Variants in TYMP observed in about 807,000 individuals in gnomAD.
TYMP encodes the protein gliostatin.
A neutral mutation model predicts 42.3 loss-of-function variants in TYMP; 46 were observed. The observed-to-expected ratio is 1.09, with a 90% CI of 0.86 to 1.39. TYMP has a LOEUF of 1.39. Among genes scored for constraint, TYMP ranks in the 40% most tolerant of loss-of-function variants. The pLI is 0.00. For synonymous variants in TYMP, 363 were observed against 308.0 expected, an observed-to-expected ratio of 1.18 and a Z score of -1.87; for missense variants, 837 against 677.6, an observed-to-expected ratio of 1.24 and a Z score of -2.61.
chr22:50,528,882 A>G (rs1032832690), intron 3 of TYMP: 3 of 613,130 alleles, frequency 4.9e-6, no homozygotes, highest in Non-Finnish European at 8.7e-6. Flanking sequence ...CTGGGGACCC[A>G]AGGGGAAAGG....
intron 4 of TYMP, 51 bp from the exon 5 acceptor site, chr22:50,527,768 C>CT (rs131803): frequency 0.01 from 12,635 of 1,218,792 alleles, 4 homozygotes; most frequent in African/African-American, 0.013. Context: ...GACTTAGCAG[C>CT]TTTTTTTTTT....
In TYMP at chr22:50,527,124, C is replaced by G; in HGVS notation, c.765+41G>C. 5 of 1,503,566 alleles carry G rather than the reference C, an allele frequency of 3.3e-6. No homozygotes were observed. The South Asian group carries it at 5.6e-5, about 17-fold the overall frequency. The allele number at this position is 1,503,566 out of a possible 1,614,324, so 93.1% of individuals were successfully genotyped here. A position where few individuals can be genotyped will look rare whatever the true frequency, so the allele number is the denominator to read the frequency against. On this transcript the variant is annotated intron_variant, in intron 6 of 9. Coordinates refer to ENST00000252029, the MANE Select transcript of TYMP (RefSeq NM_001953.5). ...GGAGGGGTGAAGGGTAGGCTGGGCC[C>G]GCATCAAGACGCTTGCCCAGGGAAA...
Position 50,528,523 on chromosome 22 carries a change from T to C in TYMP, c.505A>G (p.Ser169Gly). The change falls in exon 4 of 10, where the codon AGC (serine) becomes GGC (glycine). Residue 169 changes from serine to glycine, a missense_variant. Transcript: ENST00000252029. ...ESIPGFNVIQ[S>G]PEQMQVLLDQ... ...GTGGCGCCCCGTACCTGCTCTGGGC[T>C]CTGGATGACATTGAATCCAGGAATA... 1 of 1,613,872 alleles carries C rather than the reference T, an allele frequency of 6.2e-7. No individual in the cohort carries two copies. The highest frequency in any genetic ancestry group is 8.5e-7 in the Non-Finnish European group (1 of 1,179,920).
chr22:50,527,232 T>A lies in TYMP; in HGVS notation c.698A>T (p.Asp233Val). The part of the protein sequence containing the change: ...LVEGLSALVV[D>V]VKFGGAAVFP... ...GACGGCGGCCCCTCCGAACTTAACG[T>A]CCACCACCAGAGCGGACAGCCCCTC... The change falls in exon 6 of 10, where the codon GAC (aspartate) becomes GTC (valine). Residue 233 changes from aspartate to valine, a missense_variant. Asp to Val is a radical substitution (Grantham distance 152). Coordinates refer to ENST00000252029, the MANE Select transcript of TYMP (RefSeq NM_001953.5). 1 of 1,613,582 alleles carries A rather than the reference T, an allele frequency of 6.2e-7. No homozygotes were observed. Among genetic ancestry groups the A allele is most frequent in the Non-Finnish European group, 8.5e-7 (1 of 1,179,986 alleles).
upstream of TYMP, chr22:50,530,055 G>C: frequency 3.0e-6 from 1 of 333,166 alleles, no homozygotes; most frequent in Non-Finnish European, 5.4e-6. Context: ...CAGGCGGGTG[G>C]GGCCGCCTGG....
chr22:50,528,968 T>C (rs1160393892), intron 3 of TYMP, 168 bp downstream of exon 3: 1 of 769,948 alleles, frequency 1.3e-6, no homozygotes, highest in Non-Finnish European at 2.2e-6. Context: ...CCAAGCGCTG[T>C]GCTGGGGAAC....
At position 50,525,755 on chromosome 22, in the gene TYMP, C is replaced by G; in HGVS notation, c.*15G>C. On this transcript the variant is annotated 3_prime_UTR_variant, in exon 10 of 10. Coordinates refer to ENST00000252029, the MANE Select transcript of TYMP (RefSeq NM_001953.5). ...TCCCGCCCAAGCACTGACAAGGTTT[C>G]GCGGCAAAGGAGCTTTATTGCTGCG... is the stretch of plus-strand genomic sequence containing the variant. 6.2e-7 allele frequency: 1 copy of G among 1,609,402 alleles called. No individual in the cohort carries two copies.
In TYMP at chr22:50,525,839, T is replaced by G; in HGVS notation, c.1380A>C (p.Val460=). Residue 460 remains valine (V), a synonymous_variant, in exon 10 of 10, where the codon GTA becomes GTC. Transcript: ENST00000252029. ...CGGCGAATGGCGCGCGGTCGGAGAG[T>G]ACGAGCGCCTCCTGCAGGGCGCGGC... is the stretch of plus-strand genomic sequence containing the variant. ...PQSRALQEAL[V]LSDRAPFAAP... 4 of 1,607,714 alleles carry G rather than the reference T, an allele frequency of 2.5e-6. No homozygotes were observed. The highest frequency in any genetic ancestry group is 3.4e-6 in the Non-Finnish European group (4 of 1,177,814).
At chr22:50,527,142 C>T (rs2069418828) in intron 6 of TYMP, 23 bp downstream of exon 6, 4 of 1,593,034 alleles carry the variant, frequency 2.5e-6, no homozygotes, top group Admixed American at 1.7e-5. Context: ...GACGCTTGCC[C>T]AGGGAAAGGC....
Position 50,526,738 on chromosome 22 carries a change from C to T in TYMP, c.766G>A (p.Val256Ile). Residue 256 changes from valine (V) to isoleucine (I), a missense_variant and splice_region_variant, in exon 7 of 10, where the codon GTT becomes ATT. Transcript: ENST00000252029. Reference sequence around the variant, plus strand: ...AGCCCTAGGCTGGCTCCCACGCCAACCTGCGGAGAGGAGGCTCAGCGTGGA... The same window carrying T: ...AGCCCTAGGCTGGCTCCCACGCCAATCTGCGGAGAGGAGGCTCAGCGTGGA... The part of the protein sequence containing the change: ...EQARELAKTL[V>I]GVGASLGLRV... The T allele has an allele frequency of 1.3e-6, 2 of 1,535,752 alleles. No individual in the cohort carries two copies. Among genetic ancestry groups the T allele is most frequent in the Non-Finnish European group, 1.7e-6 (2 of 1,146,416 alleles).
In TYMP at chr22:50,525,916, T is replaced by C; in HGVS notation, c.1303A>G (p.Thr435Ala). The C allele has an allele frequency of 6.6e-7, 1 of 1,526,194 alleles. No individual in the cohort carries two copies. Among genetic ancestry groups the C allele is most frequent in the East Asian group, 2.5e-5 (1 of 39,716 alleles). 94.5% of individuals were successfully genotyped at this position (1,526,194 alleles called of 1,614,324 possible). The change falls in exon 10 of 10, where the codon ACC becomes GCC. Residue 435 changes from threonine to alanine, a missense_variant and splice_region_variant. Thr to Ala is a moderately conservative substitution (Grantham distance 58, BLOSUM62 0). Transcript: ENST00000252029. ...TCCCGGTGCACGCGGAGCCAGGGGG[T>C]CCCTGCAGAGCGAGGGGCTGTTAGA... ...VDVGQRLRRG[T>A]PWLRVHRDGP...
chr22:50,526,018 C>A lies in TYMP; in HGVS notation c.1283G>T (p.Gly428Val). Residue 428 changes from glycine (G) to valine (V), a missense_variant, in exon 9 of 10, where the codon GGT (glycine) becomes GTT (valine). Transcript: ENST00000252029. ...GVGAELLVDV[G>V]QRLRRGTPWL... Reference sequence around the variant, plus strand: ...GCGCTCACCACGGCGCAGCCTCTGACCCACGTCGACCAGCAGCTCTGCGCC... The same window carrying A: ...GCGCTCACCACGGCGCAGCCTCTGAACCACGTCGACCAGCAGCTCTGCGCC... 6.8e-7 allele frequency: 1 copy of A among 1,471,554 alleles called. No homozygotes were observed. Among genetic ancestry groups the A allele is most frequent in the Non-Finnish European group, 8.9e-7 (1 of 1,118,306 alleles). 91.2% of individuals were successfully genotyped at this position (1,471,554 alleles called of 1,614,324 possible). A position where few individuals can be genotyped will look rare whatever the true frequency, so the allele number is the denominator to read the frequency against.
upstream of TYMP, chr22:50,530,051 G>C: frequency 3.0e-6 from 1 of 332,440 alleles, no homozygotes; most frequent in Non-Finnish European, 5.5e-6. Flanking sequence ...ACGGCAGGCG[G>C]GTGGGGCCGC....
rs1381007538 is a variant in TYMP at position 50,527,582 on chromosome 22, G to A, written c.646+6C>T. The A allele has an allele frequency of 2.5e-6, 4 of 1,613,842 alleles. No homozygotes were observed. The highest frequency in any genetic ancestry group is 2.2e-5 in the South Asian group (2 of 91,084). The stretch of plus-strand genomic sequence containing the variant: ...CATGCAGAAGCAGGCCATGGAGTCA[G>A]GTCACCTGTGATGAGTGGCAGGCTG... On this transcript the variant is annotated splice_donor_region_variant and intron_variant, in intron 5 of 9. Coordinates refer to ENST00000252029, the MANE Select transcript of TYMP (RefSeq NM_001953.5).
Position 50,526,706 on chromosome 22 carries a change from G to C in TYMP, c.798C>G (p.Val266=), listed in dbSNP as rs1393466230. The change falls in exon 7 of 10, where the codon GTC becomes GTG. Residue 266 remains valine (V), a synonymous_variant. Transcript: ENST00000252029. ...TGTCCATGGCGGTCAGCGCTGCCGC[G>C]ACCCGAAGCCCTAGGCTGGCTCCCA... The part of the protein sequence containing the change: ...VGVGASLGLR[V]AAALTAMDKP... The C allele has an allele frequency of 1.3e-6, 2 of 1,540,504 alleles. No individual in the cohort carries two copies. The highest frequency in any genetic ancestry group is 2.4e-5 in the East Asian group (1 of 41,050).
Position 50,525,875 on chromosome 22 carries a change from G to C in TYMP, c.1344C>G (p.Ser448Arg), listed in dbSNP as rs1324997765. The C allele has an allele frequency of 6.3e-7, 1 of 1,589,028 alleles. No homozygotes were observed. The highest frequency in any genetic ancestry group is 8.6e-7 in the Non-Finnish European group (1 of 1,168,884). Residue 448 changes from serine to arginine, a missense_variant, in exon 10 of 10, where the codon AGC becomes AGG. Coordinates refer to ENST00000252029, the MANE Select transcript of TYMP (RefSeq NM_001953.5). ...CCTGCAGGGCGCGGCTCTGCGGGCCGCTGAGCGCGGGGCCGTCCCGGTGCA... is the reference window on the plus strand; with the variant it reads ...CCTGCAGGGCGCGGCTCTGCGGGCCCCTGAGCGCGGGGCCGTCCCGGTGCA... ...LRVHRDGPAL[S>R]GPQSRALQEA...
chr22:50,527,317 G>A lies in TYMP; in HGVS notation c.647-34C>T, dbSNP rs1275325935. On this transcript the variant is annotated intron_variant, in intron 5 of 9. Coordinates refer to ENST00000252029, the MANE Select transcript of TYMP (RefSeq NM_001953.5). ...GAGGCAGAGGAGGTTGGAGACAATG[G>A]AGAACCTGGAGCTTCTTGGGAGAGT... The A allele has an allele frequency of 2.6e-6, 4 of 1,544,238 alleles. No individual in the cohort carries two copies. The Admixed American group carries it at 6.7e-5, about 26-fold the overall frequency.
Position 50,529,595 on chromosome 22 carries a change from G to C in TYMP, c.115C>G (p.Leu39Val). ...PSPEPKQLPE[L>V]IRMKRDGGRL... is the part of the protein sequence containing the mutation. ...CCTCCGTCTCGCTTCATGCGGATCA[G>C]CTCCGGGAGCTGCTTGGGCTCTGGC... Residue 39 changes from leucine to valine, a missense_variant, in exon 2 of 10, where the codon CTG (leucine) becomes GTG (valine). By Grantham distance (32) the Leu-to-Val change is conservative (BLOSUM62 1). Transcript: ENST00000252029. 6.2e-7 allele frequency: 1 copy of C among 1,613,140 alleles called. No individual in the cohort carries two copies. Among genetic ancestry groups the C allele is most frequent in the Non-Finnish European group, 8.5e-7 (1 of 1,179,910 alleles).
At position 50,529,080 on chromosome 22, in the gene TYMP, A is replaced by T. The variant is rs867602715; in HGVS notation, c.417+56T>A. The T allele has an allele frequency of 3.8e-6, 6 of 1,577,134 alleles. No individual in the cohort carries two copies. The Middle Eastern group carries it at 8.4e-4, about 220-fold the overall frequency. The stretch of plus-strand genomic sequence containing the variant: ...GAGGTTGGGAGCTGCCTGTGGATGG[A>T]CTGGTTGCTGCATGTGCGGTATAGG... On this transcript the variant is annotated intron_variant, in intron 3 of 9. Coordinates refer to ENST00000252029, the MANE Select transcript of TYMP (RefSeq NM_001953.5).
Sources: allele counts gnomAD v4.1 joint callset, GRCh38; gene constraint gnomAD v4.1.1; transcripts MANE v1.5; gene names NCBI Gene and HGNC (gene_info 2026-07-23, HGNC 2026-07-21).